The following CAND2 variants were observed in gnomAD, a reference collection of about 807,000 sequenced individuals.
CAND2 encodes the protein cullin associated and neddylation dissociated 2 (putative).
A neutral mutation model predicts 98.9 loss-of-function variants in CAND2; 62 were observed. The observed-to-expected ratio is 0.63, with a 90% CI of 0.51 to 0.77. The LOEUF is 0.77. CAND2 is among the 30% of genes least tolerant of loss of function. The probability of loss-of-function intolerance (pLI) is 0.00; values close to 1 mark genes in which losing one functional copy is unlikely to be tolerated. For missense variants in CAND2, 1,501 were observed against 1,655.2 expected (o/e 0.91, Z 1.62); for synonymous variants, 770 against 731.9 (o/e 1.05, Z -0.84).
intron 11 of CAND2, among the ~76,000 whole-genome samples, chr3:12,823,500 G>A (rs993809376): frequency 1.8e-4 from 27 of 152,036 alleles, no homozygotes; most frequent in Admixed American, 1.4e-3. Flanking sequence ...AGGCCGAGGC[G>A]GGCGGATCAC....
In CAND2 at chr3:12,828,255, A is replaced by G. The variant is rs555683049; in HGVS notation, c.3375+651A>G. On this transcript the variant is annotated intron_variant, in intron 13 of 14. Coordinates refer to ENST00000456430, the MANE Select transcript of CAND2 (RefSeq NM_001162499.2). ...TAAATGTTAAAGTTTATTCACATAT[A>G]TGATAGAAATCATTTAATTGTGGCG... is the stretch of plus-strand genomic sequence containing the variant. Among the ~76,000 whole-genome samples the G allele has an allele frequency of 3.9e-5, 6 of 151,906 alleles. No individual in the cohort carries two copies. The South Asian group carries it at 1.0e-3, about 26-fold the overall frequency.
At chr3:12,811,800 C>A (rs1314189841) in intron 5 of CAND2, among the ~76,000 whole-genome samples, 1 of 152,124 alleles carries the variant, frequency 6.6e-6, no homozygotes, top group African/African-American at 2.4e-5. Context: ...GGTCTTGAAC[C>A]CCTGACCTTG....
In CAND2 at chr3:12,830,219, A is replaced by G. The variant is rs181567760; in HGVS notation, c.3376-1246A>G. Among the ~76,000 whole-genome samples the G allele has an allele frequency of 5.3e-5, 8 of 152,344 alleles. No homozygotes were observed. The East Asian group carries it at 1.5e-3, about 29-fold the overall frequency. On this transcript the variant is annotated intron_variant, in intron 13 of 14. Transcript: ENST00000456430. ...CCCCAAGAAAGAGAAAAGAAGAAAC[A>G]ACATAAGTTCTCTGGGATTCCAGCC...
intron 5 of CAND2, among the ~76,000 whole-genome samples, chr3:12,812,221 CTTTTTTTTTTT>C (rs531439250): frequency 1.3e-5 from 1 of 74,514 alleles, no homozygotes; most frequent in Admixed American, 1.5e-4. Context: ...AGCTGTTTAT[CTTTTTTTTTTT>C]TTTTTTTTGG....
intron 10 of CAND2, 136 bp downstream of exon 10, chr3:12,818,012 A>C: frequency 1.3e-6 from 1 of 755,258 alleles, no homozygotes; most frequent in Non-Finnish European, 1.9e-6. Flanking sequence ...CGACAGAGGC[A>C]AGGAAGCTAC....
intron 13 of CAND2, among the ~76,000 whole-genome samples, chr3:12,831,252 T>G (rs1168400720): frequency 6.6e-6 from 1 of 152,144 alleles, no homozygotes; most frequent in East Asian, 1.9e-4. Flanking sequence ...GGTGCTTTTC[T>G]GATCCTCCTT....
rs2061813354 is a variant in CAND2 at position 12,807,248 on chromosome 3, C to G, written c.213-58C>G. The G allele has an allele frequency of 1.5e-5, 22 of 1,500,370 alleles. No individual in the cohort carries two copies. The South Asian group carries it at 2.6e-4, about 18-fold the overall frequency. The allele number at this position is 1,500,370 out of a possible 1,614,324, so 92.9% of individuals were successfully genotyped here. A position where few individuals can be genotyped will look rare whatever the true frequency, so the allele number is the denominator to read the frequency against. ...AGGAGCATGAGGGGACATAAAGGGG[C>G]AGCCTGACTCAGGCTGAACCTTGTG... On this transcript the variant is annotated intron_variant, in intron 2 of 14. Transcript: ENST00000456430.
rs375766411 is a variant in CAND2, at chr3:12,814,043, G to A, written c.1006+655G>A. On this transcript the variant is annotated intron_variant, in intron 7 of 14. Transcript: ENST00000456430. ...GGTAAATGAGATTGGACAGGCATGC[G>A]GGGGCCTTGAATGCCAAGCCAGGGA... 7.2e-5 allele frequency among the ~76,000 whole-genome samples: 11 copies of A among 152,324 alleles called. 2 individuals are homozygous for A. In the East Asian group the frequency reaches 1.2e-3, roughly 16 times the overall value.
chr3:12,816,831 G>A lies in CAND2; in HGVS notation c.1899G>A (p.Ala633=), dbSNP rs1452941209. The A allele has an allele frequency of 4.3e-6, 7 of 1,613,752 alleles. No homozygotes were observed. The South Asian group carries it at 5.5e-5, about 13-fold the overall frequency. The change falls in exon 10 of 15, where the codon GCG becomes GCA. Residue 633 remains alanine, a synonymous_variant. Transcript: ENST00000456430. The stretch of plus-strand genomic sequence containing the variant: ...TCACCCGGCTGCCCGCCATCAAGGC[G>A]CTTACGCTGGTGGCCGTATCCCCAC... ...NEITRLPAIK[A]LTLVAVSPLQ...
rs775274559 is a variant in CAND2 at position 12,815,281 on chromosome 3, C to T, written c.1147C>T (p.Arg383Cys). 8.7e-6 allele frequency: 14 copies of T among 1,613,852 alleles called. No homozygotes were observed. The East Asian group carries it at 8.9e-5, about 10-fold the overall frequency. Residue 383 changes from arginine (R) to cysteine (C), a missense_variant, in exon 8 of 15, where the codon CGC becomes TGC. Physicochemically the swap from Arg to Cys is radical, Grantham distance 180. Coordinates refer to ENST00000456430, the MANE Select transcript of CAND2 (RefSeq NM_001162499.2). This position sits in a 1 kb window ranked among gnomAD's most constrained non-coding sequence, Gnocchi z 5.7. The part of the protein sequence containing the change: ...FHCTLAPVLI[R>C]RFKEREENVK... ...CTGCACCCTGGCACCTGTGCTCATCCGCCGCTTCAAAGAACGCGAGGAGAA... is the reference window on the plus strand; with the variant it reads ...CTGCACCCTGGCACCTGTGCTCATCTGCCGCTTCAAAGAACGCGAGGAGAA...
chr3:12,828,280 G>A (rs185688002), intron 13 of CAND2, among the ~76,000 whole-genome samples: 131 of 150,122 alleles, frequency 8.7e-4, no homozygotes, highest in Middle Eastern at 3.5e-3. Flanking sequence ...TAATTGTGGC[G>A]AAATATTAAT....
intron 2 of CAND2, 51 bp from the exon 3 acceptor site, chr3:12,807,255 A>T: frequency 6.6e-7 from 1 of 1,524,526 alleles, no homozygotes; most frequent in Non-Finnish European, 8.9e-7. Flanking sequence ...GGGCAGCCTG[A>T]CTCAGGCTGA....
At chr3:12,805,274 TTTCTTTTTTTTTTC>T (rs1343120766) in intron 2 of CAND2, among the ~76,000 whole-genome samples, 1 of 147,948 alleles carries the variant, frequency 6.8e-6, no homozygotes, top group African/African-American at 2.5e-5. Context: ...GTGGCAAGAT[TTTCTTTTTTTTTTC>T]TTCTTTTTTT....
chr3:12,810,357 A>G (rs531985352), intron 5 of CAND2, 33 bp downstream of exon 5: 8 of 1,401,066 alleles, frequency 5.7e-6, no homozygotes, highest in African/African-American at 4.5e-5. Context: ...CTGGGCTGGC[A>G]TGGTGGGCGG....
chr3:12,813,420 G>A, intron 7 of CAND2, 32 bp downstream of exon 7: 1 of 1,601,466 alleles, frequency 6.2e-7, no homozygotes, highest in Non-Finnish European at 8.5e-7. Flanking sequence ...GGGGTTGGAG[G>A]GTGGAGGTGA....
In CAND2 at chr3:12,815,128, G is replaced by A. The variant is rs759322485; in HGVS notation, c.1007-13G>A. 1 of 1,596,556 alleles carries A rather than the reference G, an allele frequency of 6.3e-7. No homozygotes were observed. On this transcript the variant is annotated splice_polypyrimidine_tract_variant and intron_variant, in intron 7 of 14. Transcript: ENST00000456430. The surrounding 1 kb of genome is among the most constrained non-coding windows in gnomAD (Gnocchi z 5.7). ...GAGATGAGGGTTCCACGTGTGTCTT[G>A]TTCCTGCCCCAGAGAGTGAAGACGA...
rs143915026 is a variant in CAND2 at position 12,803,355 on chromosome 3, T to C, written c.69-133T>C. 6.7e-6 allele frequency: 5 copies of C among 744,432 alleles called. No homozygotes were observed. The East Asian group carries it at 1.2e-4, about 18-fold the overall frequency. The allele number at this position is 744,432 out of a possible 1,614,324, so 46.1% of individuals were successfully genotyped here. On this transcript the variant is annotated intron_variant, in intron 1 of 14. Transcript: ENST00000456430. ...TTGCCTGTCACTTACCAAAACATCATTATGTGACACAGGACTGCATTTGAC... is the reference window on the plus strand; with the variant it reads ...TTGCCTGTCACTTACCAAAACATCACTATGTGACACAGGACTGCATTTGAC...
rs181607784 is a variant in CAND2 at position 12,811,127 on chromosome 3, G to A, written c.757+803G>A. Among the ~76,000 whole-genome samples the A allele has an allele frequency of 1.4e-4, 22 of 152,114 alleles. No homozygotes were observed. The South Asian group carries it at 3.1e-3, about 22-fold the overall frequency. ...CTTGCAGGCACACGGCGGGGGGTGG[G>A]GGGGGGAACCCCAGCTGACATGGCC... On this transcript the variant is annotated intron_variant, in intron 5 of 14. Coordinates refer to ENST00000456430, the MANE Select transcript of CAND2 (RefSeq NM_001162499.2).
At position 12,820,090 on chromosome 3, in the gene CAND2, G is replaced by A. The variant is rs766518704; in HGVS notation, c.2949G>A (p.Arg983=). ...TCACCTCTTCTTGTCCTGCAGGTCGGCCACACACCCGGAGCACCGTCATCA... is the reference window on the plus strand; with the variant it reads ...TCACCTCTTCTTGTCCTGCAGGTCGACCACACACCCGGAGCACCGTCATCA... The part of the protein sequence containing the change: ...PRLRKQLAAG[R]PHTRSTVITA... Residue 983 remains arginine, a synonymous_variant, in exon 11 of 15, where the codon CGG becomes CGA. Coordinates refer to ENST00000456430, the MANE Select transcript of CAND2 (RefSeq NM_001162499.2). 13 of 1,613,846 alleles carry A rather than the reference G, an allele frequency of 8.1e-6. No individual in the cohort carries two copies. In the South Asian group the frequency reaches 1.1e-4, roughly 14 times the overall value.
Sources: allele counts gnomAD v4.1 joint callset (sites outside exome capture counted in the v4.1 genomes callset), GRCh38; gene constraint gnomAD v4.1.1; non-coding constraint Gnocchi (gnomAD v3.1); transcripts MANE v1.5; gene names NCBI Gene and HGNC (gene_info 2026-07-23, HGNC 2026-07-21).